Variants in SLC18A1 observed in about 807,000 individuals in gnomAD.
SLC18A1 encodes the protein solute carrier family 18 member A1.
SLC18A1 carries 69 observed loss-of-function variants against 53.7 expected under a neutral mutation model. The observed-to-expected ratio is 1.28, with a 90% CI of 1.06 to 1.57. The LOEUF is 1.57. Ranked by LOEUF, SLC18A1 falls within the 40% of genes most tolerant of loss-of-function variation. The pLI is 0.00. For synonymous variants in SLC18A1, 320 were observed against 248.1 expected, an observed-to-expected ratio of 1.29 and a Z score of -2.72; for missense variants, 932 against 668.1, an observed-to-expected ratio of 1.40 and a Z score of -4.35.
At chr8:20,170,037 C>T (rs1223236792) in intron 8 of SLC18A1, among the ~76,000 whole-genome samples, 1 of 152,110 alleles carries the variant, frequency 6.6e-6, no homozygotes, top group South Asian at 2.1e-4. Flanking sequence ...GGGTGCTGGG[C>T]CCAAGCATAT....
At position 20,165,072 on chromosome 8, in the gene SLC18A1, T is replaced by G. The variant is rs747681405; in HGVS notation, c.894A>C (p.Lys298Asn). 1 of 1,614,182 alleles carries G rather than the reference T, an allele frequency of 6.2e-7. No homozygotes were observed. The highest frequency in any genetic ancestry group is 8.5e-7 in the Non-Finnish European group (1 of 1,180,032). Residue 298 changes from lysine (K) to asparagine (N), a missense_variant, in exon 9 of 16, where the codon AAA (lysine) becomes AAC (asparagine). Transcript: ENST00000276373. Reference protein sequence around the residue: ...AKGTPLFMLLKDPYILVAAGS... With the variant: ...AKGTPLFMLLNDPYILVAAGS... ...CTGCAGCCACCAGGATGTAAGGGTCTTTGAGAAGCATAAAGAGGGGAGTCC... is the reference window on the plus strand; with the variant it reads ...CTGCAGCCACCAGGATGTAAGGGTCGTTGAGAAGCATAAAGAGGGGAGTCC...
rs749602823 is a variant in SLC18A1, at chr8:20,147,717, C to A, written c.1216G>T (p.Val406Leu). ...NAGLGLAIGM[V>L]DSSMMPIMGH... ...ATGATGGGCATCATAGAAGAATCCA[C>A]CATGCCTGTGGCCAGAGCAAACAGG... Residue 406 changes from valine (V) to leucine (L), a missense_variant, in exon 14 of 16, where the codon GTG becomes TTG. Val to Leu is a conservative substitution (Grantham distance 32). Coordinates refer to ENST00000276373, the MANE Select transcript of SLC18A1 (RefSeq NM_003053.4). 6.2e-7 allele frequency: 1 copy of A among 1,613,164 alleles called. No homozygotes were observed. Among genetic ancestry groups the A allele is most frequent in the South Asian group, 1.1e-5 (1 of 90,906 alleles).
chr8:20,157,698 C>T (rs1182600286), intron 10 of SLC18A1, among the ~76,000 whole-genome samples: 2 of 152,190 alleles, frequency 1.3e-5, no homozygotes, highest in African/African-American at 4.8e-5. Flanking sequence ...TAGAAACAAA[C>T]TTCAAAAGTC....
At position 20,148,010 on chromosome 8, in the gene SLC18A1, T is replaced by C. The variant is rs759535555; in HGVS notation, c.1207A>G (p.Ile403Val). The stretch of plus-strand genomic sequence containing the variant: ...TTTCTTTGAGGGCACTTCTTACCTA[T>C]GGCAAGGCCAAGCCCTGCATTGGGG... ...IGPNAGLGLA[I>V]GMVDSSMMPI... is the part of the protein sequence containing the mutation. The change falls in exon 13 of 16, where the codon ATA (isoleucine) becomes GTA (valine). Residue 403 changes from isoleucine to valine, a missense_variant. Coordinates refer to ENST00000276373, the MANE Select transcript of SLC18A1 (RefSeq NM_003053.4). The C allele has an allele frequency of 2.2e-5, 35 of 1,613,822 alleles. No homozygotes were observed. The highest frequency in any genetic ancestry group is 2.5e-5 in the Non-Finnish European group (29 of 1,179,902).
chr8:20,161,210 G>GA (rs1228656523), intron 10 of SLC18A1, among the ~76,000 whole-genome samples: 4 of 152,156 alleles, frequency 2.6e-5, no homozygotes, highest in Non-Finnish European at 5.9e-5. Context: ...AGTTATGGGT[G>GA]AGATTCAAGG....
intron 10 of SLC18A1, among the ~76,000 whole-genome samples, chr8:20,163,238 C>A (rs1563745272): frequency 6.6e-6 from 1 of 152,278 alleles, no homozygotes; most frequent in East Asian, 1.9e-4. Context: ...GACAAACTCA[C>A]TCCCATGATA....
chr8:20,154,424 T>C (rs1016965015), intron 10 of SLC18A1, among the ~76,000 whole-genome samples: 1 of 152,158 alleles, frequency 6.6e-6, no homozygotes, highest in Non-Finnish European at 1.5e-5. Flanking sequence ...AAGAGGTCAC[T>C]AGATGTTTGC....
intron 1 of SLC18A1, chr8:20,182,100 G>A (rs1428427329): frequency 2.0e-5 from 3 of 152,160 alleles, no homozygotes; most frequent in African/African-American, 4.8e-5. Flanking sequence ...GGCTTCTGTT[G>A]TGGTATCAAC....
chr8:20,168,328 C>T (rs1235613453), intron 8 of SLC18A1, among the ~76,000 whole-genome samples: 1 of 151,912 alleles, frequency 6.6e-6, no homozygotes, highest in Non-Finnish European at 1.5e-5. Flanking sequence ...GATCACACCT[C>T]TACACTCCAG....
chr8:20,170,641 T>C (rs2072089541), intron 8 of SLC18A1, among the ~76,000 whole-genome samples: 1 of 152,224 alleles, frequency 6.6e-6, no homozygotes, highest in Non-Finnish European at 1.5e-5. Flanking sequence ...GGATGTCTTT[T>C]ATTGCAGAAG....
intron 10 of SLC18A1, among the ~76,000 whole-genome samples, chr8:20,151,664 T>C (rs1468266913): frequency 2.0e-5 from 3 of 152,208 alleles, no homozygotes; most frequent in African/African-American, 7.2e-5. Flanking sequence ...TTTGTGACAG[T>C]AGAGGGAAGT....
chr8:20,149,524 C>G, intron 12 of SLC18A1, 152 bp downstream of exon 12: 1 of 638,250 alleles, frequency 1.6e-6, no homozygotes, highest in Non-Finnish European at 2.7e-6. Flanking sequence ...CCTTGCCAAG[C>G]CATCTCTGCT....
At position 20,147,286 on chromosome 8, in the gene SLC18A1, C is replaced by T. The variant is rs767784363; in HGVS notation, c.1436G>A (p.Arg479Gln). ...CTTCTCTTCCTTTGCCGGGGGGCTC[C>T]GCAGGTAGTAGCAGAGTGGAGCATA... ...IVYAPLCYYL[R>Q]SPPAKEEKLA... The change falls in exon 15 of 16, where the codon CGG becomes CAG. Residue 479 changes from arginine (R) to glutamine (Q), a missense_variant. Physicochemically the swap from Arg to Gln is conservative, Grantham distance 43. Transcript: ENST00000276373. 51 of 1,609,024 alleles carry T rather than the reference C, an allele frequency of 3.2e-5. 1 individual carries two copies. The highest frequency in any genetic ancestry group is 1.7e-4 in the South Asian group (15 of 90,278).
chr8:20,153,491 C>A (rs1333442750), intron 10 of SLC18A1, among the ~76,000 whole-genome samples: 3 of 152,094 alleles, frequency 2.0e-5, no homozygotes, highest in African/African-American at 7.2e-5. Flanking sequence ...TCCTAGCTAA[C>A]ACAGTGAAAC....
In SLC18A1 at chr8:20,147,576, G is replaced by T. The variant is rs186168123; in HGVS notation, c.1330+27C>A. The T allele has an allele frequency of 3.7e-6, 6 of 1,613,274 alleles. No homozygotes were observed. The African/African-American group carries it at 8.0e-5, about 21-fold the overall frequency. On this transcript the variant is annotated intron_variant, in intron 14 of 15. Transcript: ENST00000276373. ...GCTGGTAAAGAGTAGACAGGGGAAA[G>T]TGGGGCACCAGGTCCTGCCAACATA...
chr8:20,169,416 C>T (rs1032098895), intron 8 of SLC18A1, among the ~76,000 whole-genome samples: 6 of 151,978 alleles, frequency 3.9e-5, no homozygotes, highest in Middle Eastern at 3.2e-3. Context: ...GTATTATATC[C>T]ATGTTAAATT....
intron 12 of SLC18A1, 138 bp downstream of exon 12, chr8:20,149,538 C>T: frequency 2.9e-6 from 2 of 698,976 alleles, no homozygotes; most frequent in Admixed American, 2.6e-5. Flanking sequence ...CTCTGCTCAT[C>T]TTAAAGGAAA....
chr8:20,156,019 C>T (rs2071673219), intron 10 of SLC18A1, among the ~76,000 whole-genome samples: 1 of 152,244 alleles, frequency 6.6e-6, no homozygotes, highest in Non-Finnish European at 1.5e-5. Flanking sequence ...ATACAATCTC[C>T]AAGCCTCAGC....
chr8:20,161,330 C>T (rs746848906), intron 10 of SLC18A1, among the ~76,000 whole-genome samples: 6 of 151,610 alleles, frequency 4.0e-5, no homozygotes, highest in Non-Finnish European at 7.4e-5. Flanking sequence ...TTCAACTAAT[C>T]GCAGATCAAA....
Sources: allele counts gnomAD v4.1 joint callset (sites outside exome capture counted in the v4.1 genomes callset), GRCh38; gene constraint gnomAD v4.1.1; transcripts MANE v1.5; gene names NCBI Gene and HGNC (gene_info 2026-07-23, HGNC 2026-07-21).